Variants in CSMD1 observed in about 807,000 individuals in gnomAD.
CSMD1 encodes CUB and sushi domain-containing protein 1.
A neutral mutation model predicts 417.5 loss-of-function variants in CSMD1; 213 were observed. The observed-to-expected ratio is 0.51, with a 90% CI of 0.46 to 0.57. The LOEUF (loss-of-function observed/expected upper bound fraction) is 0.57, where lower values mean the gene tolerates loss of function less well. CSMD1 is among the 20% of genes least tolerant of loss of function. The pLI is 0.00. For synonymous variants in CSMD1, 2,862 were observed against 1,736.8 expected, an observed-to-expected ratio of 1.65 and a Z score of -16.11; for missense variants, 6,923 against 4,529.7, an observed-to-expected ratio of 1.53 and a Z score of -15.17.
At chr8:3,304,687 A>AT (rs1367618958) in intron 25 of CSMD1, among the ~76,000 whole-genome samples, 20 of 151,528 alleles carry the variant, frequency 1.3e-4, no homozygotes, top group Non-Finnish European at 2.4e-4. Context: ...AGTTCATGCA[A>AT]TAAAAACTGC....
At chr8:3,666,913 G>T (rs902804857) in intron 7 of CSMD1, among the ~76,000 whole-genome samples, 12 of 152,104 alleles carry the variant, frequency 7.9e-5, no homozygotes, top group Non-Finnish European at 1.3e-4. Context: ...ACCTGCTATG[G>T]TGCACATGAT....
intron 5 of CSMD1, among the ~76,000 whole-genome samples, chr8:3,980,370 A>T (rs1385382669): frequency 7.0e-6 from 1 of 142,232 alleles, no homozygotes; most frequent in Admixed American, 6.9e-5. Flanking sequence ...TTAACGCGGT[A>T]TTTTAAGTGT....
intron 5 of CSMD1, among the ~76,000 whole-genome samples, chr8:3,947,617 C>T (rs187908232): frequency 1.5e-3 from 230 of 151,358 alleles, no homozygotes; most frequent in Non-Finnish European, 2.6e-3. Flanking sequence ...TTTCCAAATA[C>T]GAGGAGCTTT....
intron 10 of CSMD1, among the ~76,000 whole-genome samples, chr8:3,560,482 T>C (rs995153018): frequency 6.6e-6 from 1 of 152,174 alleles, no homozygotes; most frequent in East Asian, 1.9e-4. Context: ...ATTCTTCTCA[T>C]GCTGTATTAG....
At chr8:2,952,195 A>C (rs1210353032) in intron 65 of CSMD1, among the ~76,000 whole-genome samples, 2 of 152,200 alleles carry the variant, frequency 1.3e-5, no homozygotes, top group Non-Finnish European at 2.9e-5. Flanking sequence ...TGAATTATTT[A>C]ATTAGATAAG....
At chr8:4,064,697 G>A (rs563878026) in intron 3 of CSMD1, among the ~76,000 whole-genome samples, 60 of 152,262 alleles carry the variant, frequency 3.9e-4, no homozygotes, top group African/African-American at 9.9e-4. Context: ...CTGCCCTGGC[G>A]TGTTGGTCAC....
At chr8:3,711,050 C>G (rs1041278830) in intron 6 of CSMD1, among the ~76,000 whole-genome samples, 1 of 152,098 alleles carries the variant, frequency 6.6e-6, no homozygotes, top group African/African-American at 2.4e-5. Flanking sequence ...TCTAAACTGC[C>G]AAGTCTGAGA....
rs76681198 is a variant in CSMD1 at position 4,021,350 on chromosome 8, C to T, written c.610+10555G>A. Among the ~76,000 whole-genome samples, 1,058 of 152,322 alleles carry T rather than the reference C, an allele frequency of 6.9e-3. 60 individuals are homozygous for T. In the East Asian group the frequency reaches 0.14, roughly 20 times the overall value. On this transcript the variant is annotated intron_variant, in intron 4 of 69. Coordinates refer to ENST00000635120, the MANE Select transcript of CSMD1 (RefSeq NM_033225.6). ...AGTTTATTTCACTTGTTTCATGTCA[C>T]ATTTTCCGTGTCGCATCTGGGGATT... is the stretch of plus-strand genomic sequence containing the variant.
chr8:4,059,817 A>T (rs974476335), intron 3 of CSMD1, among the ~76,000 whole-genome samples: 9 of 150,904 alleles, frequency 6.0e-5, no homozygotes, highest in Non-Finnish European at 1.2e-4. Flanking sequence ...TACCAACCAA[A>T]AAGAGTCCAG....
intron 23 of CSMD1, among the ~76,000 whole-genome samples, chr8:3,332,571 G>A (rs547373651): frequency 6.6e-6 from 1 of 152,354 alleles, no homozygotes; most frequent in East Asian, 1.9e-4. Flanking sequence ...ACTACTGTAA[G>A]CTGAAATATT....
chr8:3,960,898 A>T (rs1173890924), intron 5 of CSMD1, among the ~76,000 whole-genome samples: 2 of 152,078 alleles, frequency 1.3e-5, no homozygotes, highest in African/African-American at 4.8e-5. Context: ...CTCATATCAC[A>T]AAAGTCCTCT....
chr8:4,500,867 T>A (rs1446891619), intron 2 of CSMD1, among the ~76,000 whole-genome samples: 1 of 152,132 alleles, frequency 6.6e-6, no homozygotes, highest in East Asian at 1.9e-4. Flanking sequence ...GTCTCTGGCG[T>A]AACCTTATTC....
At position 3,920,351 on chromosome 8, in the gene CSMD1, G is replaced by C. The variant is rs945508691; in HGVS notation, c.818+77552C>G. Among the ~76,000 whole-genome samples the C allele has an allele frequency of 6.4e-5, 8 of 124,346 alleles. No homozygotes were observed. The East Asian group carries it at 8.2e-4, about 13-fold the overall frequency. The allele number at this position is 124,346 out of a possible 152,430, so 81.6% of individuals were successfully genotyped here. A position where few individuals can be genotyped will look rare whatever the true frequency, so the allele number is the denominator to read the frequency against. On this transcript the variant is annotated intron_variant, in intron 5 of 69. Coordinates refer to ENST00000635120, the MANE Select transcript of CSMD1 (RefSeq NM_033225.6). ...TACGTGCCCTATTTTTCTAAGATGC[G>C]TGTGTGTTTGTGTGTGTGTGTGTTT...
chr8:4,317,462 C>T (rs534305501), intron 3 of CSMD1, among the ~76,000 whole-genome samples: 1 of 152,138 alleles, frequency 6.6e-6, no homozygotes, highest in Non-Finnish European at 1.5e-5. Context: ...TGTCTATACG[C>T]TGCCAGTGTA....
intron 5 of CSMD1, among the ~76,000 whole-genome samples, chr8:3,773,192 T>A (rs550320642): frequency 6.6e-6 from 1 of 152,282 alleles, no homozygotes; most frequent in African/African-American, 2.4e-5. Context: ...ACACTGACAT[T>A]TAGACGATGG....
At chr8:4,205,745 G>T (rs929832776) in intron 3 of CSMD1, among the ~76,000 whole-genome samples, 1 of 152,142 alleles carries the variant, frequency 6.6e-6, no homozygotes, top group African/African-American at 2.4e-5. Context: ...AGGCCACTGT[G>T]AGATGAACAG....
chr8:3,073,632 A>G (rs769051125), intron 49 of CSMD1, among the ~76,000 whole-genome samples: 11 of 152,212 alleles, frequency 7.2e-5, no homozygotes, highest in African/African-American at 2.4e-4. Context: ...AAAGATTAAG[A>G]TGTTTCAATT....
chr8:4,668,295 T>C (rs1805065394), intron 1 of CSMD1, among the ~76,000 whole-genome samples: 1 of 152,008 alleles, frequency 6.6e-6, no homozygotes, highest in Non-Finnish European at 1.5e-5. Flanking sequence ...TTTTCCATTT[T>C]GTAACTTAGC....
At chr8:3,328,151 T>C (rs904705992) in intron 23 of CSMD1, among the ~76,000 whole-genome samples, 3 of 152,232 alleles carry the variant, frequency 2.0e-5, no homozygotes, top group Non-Finnish European at 2.9e-5. Flanking sequence ...AGCCACTTAC[T>C]TTCCCTAAAC....
Sources: allele counts gnomAD v4.1 joint callset (sites outside exome capture counted in the v4.1 genomes callset), GRCh38; gene constraint gnomAD v4.1.1; transcripts MANE v1.5; gene names NCBI Gene and HGNC (gene_info 2026-07-23, HGNC 2026-07-21).